Variants in BABAM2 observed in about 807,000 individuals in gnomAD.
BABAM2 encodes BRISC and BRCA1-A complex member 2.
A neutral mutation model predicts 54.7 loss-of-function variants in BABAM2; 31 were observed. The observed-to-expected ratio is 0.57, with a 90% CI of 0.43 to 0.77. The LOEUF (loss-of-function observed/expected upper bound fraction) is 0.77, where lower values mean the gene tolerates loss of function less well. BABAM2 is among the 30% of genes least tolerant of loss of function. The pLI, the probability that BABAM2 is intolerant of heterozygous loss-of-function variation, is 0.00. For missense variants in BABAM2, 364 were observed against 455.8 expected (o/e 0.80, Z 1.83); for synonymous variants, 167 against 162.9 (o/e 1.03, Z -0.19).
chr2:28,106,403 G>T (rs1217916789), intron 6 of BABAM2, among the ~76,000 whole-genome samples: 1 of 152,168 alleles, frequency 6.6e-6, no homozygotes, highest in East Asian at 1.9e-4. Context: ...ACCATGCCTG[G>T]TTCAGAATTC....
intron 7 of BABAM2, among the ~76,000 whole-genome samples, chr2:28,158,680 T>C (rs1672778412): frequency 6.6e-6 from 1 of 152,274 alleles, no homozygotes. Flanking sequence ...AGCATTATAA[T>C]AAGGCTATGT....
chr2:28,056,277 C>G (rs894435835), intron 6 of BABAM2, among the ~76,000 whole-genome samples: 6 of 152,106 alleles, frequency 3.9e-5, no homozygotes, highest in Non-Finnish European at 8.8e-5. Context: ...GCCATAAAAA[C>G]AACCACCAAA....
chr2:28,242,066 C>T (rs978544615), intron 9 of BABAM2, among the ~76,000 whole-genome samples: 4 of 152,006 alleles, frequency 2.6e-5, no homozygotes, highest in Admixed American at 2.0e-4. Context: ...CAGGCATCAC[C>T]GGCACATTTT....
intron 4 of BABAM2, among the ~76,000 whole-genome samples, chr2:28,014,460 G>T (rs1411477283): frequency 6.6e-6 from 1 of 152,154 alleles, no homozygotes; most frequent in Non-Finnish European, 1.5e-5. Flanking sequence ...GACAGACACA[G>T]TTCCTAAGTA....
At chr2:28,281,515 A>T (rs930281839) in intron 10 of BABAM2, among the ~76,000 whole-genome samples, 1 of 152,196 alleles carries the variant, frequency 6.6e-6, no homozygotes, top group African/African-American at 2.4e-5. Context: ...TCAGAATGGG[A>T]GCCTTTCCAG....
chr2:27,915,035 T>C (rs1373728887), intron 2 of BABAM2, among the ~76,000 whole-genome samples: 1 of 152,098 alleles, frequency 6.6e-6, no homozygotes, highest in Non-Finnish European at 1.5e-5. Flanking sequence ...AAATTTCTGC[T>C]GTGTAACATG....
rs1368144528 is a variant in BABAM2 at position 27,995,899 on chromosome 2, T to C, written c.300+7812T>C. 7.9e-5 allele frequency among the ~76,000 whole-genome samples: 12 copies of C among 152,146 alleles called. No individual in the cohort carries two copies. Among genetic ancestry groups the C allele is most frequent in the Non-Finnish European group, 1.3e-4 (9 of 68,008 alleles). On this transcript the variant is annotated intron_variant, in intron 4 of 11. Transcript: ENST00000379624. The surrounding 1 kb of genome is among the most constrained non-coding windows in gnomAD (Gnocchi z 4.1). ...CTGGCCCCTCATGAGTTCTTAATTT[T>C]AGAGAATATGTTCTTCAGTTTTACA...
intron 4 of BABAM2, among the ~76,000 whole-genome samples, chr2:27,993,880 G>C (rs1672947493): frequency 6.6e-6 from 1 of 152,090 alleles, no homozygotes; most frequent in Admixed American, 6.5e-5. Context: ...TCTTCTGAAT[G>C]TGTCCTTGCA....
In BABAM2 at chr2:28,097,083, A is replaced by G. The variant is rs1213613330; in HGVS notation, c.571-32188A>G. Among the ~76,000 whole-genome samples the G allele has an allele frequency of 2.6e-5, 4 of 152,178 alleles. No individual in the cohort carries two copies. The East Asian group carries it at 5.8e-4, about 22-fold the overall frequency. ...ACCTAGGAAGGTGACAGTACTGGAT[A>G]ATGGCAAGGGGTTCAAGCTGGCAGA... On this transcript the variant is annotated intron_variant, in intron 6 of 11. Transcript: ENST00000379624.
chr2:28,247,180 C>T lies in BABAM2; in HGVS notation c.934+2318C>T, dbSNP rs147950537. Among the ~76,000 whole-genome samples, 54 of 152,262 alleles carry T rather than the reference C, an allele frequency of 3.5e-4. 1 individual carries two copies. The highest frequency in any genetic ancestry group is 1.2e-3 in the African/African-American group (49 of 41,538). On this transcript the variant is annotated intron_variant, in intron 10 of 11. Coordinates refer to ENST00000379624, the MANE Select transcript of BABAM2 (RefSeq NM_199191.3). ...TTCCTGGAGCTCTTATTCCTGTACT[C>T]CCCCGGCTGTTTGGTCCCTGTCTCT...
chr2:28,131,822 G>T (rs1173924509), intron 7 of BABAM2, among the ~76,000 whole-genome samples: 1 of 152,140 alleles, frequency 6.6e-6, no homozygotes, highest in East Asian at 1.9e-4. Flanking sequence ...TGTAACTAAT[G>T]AGTTAAATTA....
intron 3 of BABAM2, among the ~76,000 whole-genome samples, chr2:27,960,925 A>G (rs1670421485): frequency 6.6e-6 from 1 of 152,222 alleles, no homozygotes; most frequent in Non-Finnish European, 1.5e-5. Context: ...AGGATAAGCA[A>G]TGGCTTTGCT....
At chr2:27,892,308 A>G (rs1664924295) in intron 1 of BABAM2, 1 of 152,250 alleles carries the variant, frequency 6.6e-6, no homozygotes, top group African/African-American at 2.4e-5. Flanking sequence ...TTACAGATAG[A>G]GATGAGTAAT....
chr2:28,112,980 G>T (rs1338218250), intron 6 of BABAM2, among the ~76,000 whole-genome samples: 2 of 151,938 alleles, frequency 1.3e-5, no homozygotes, highest in South Asian at 2.1e-4. Flanking sequence ...TTTCATGTTT[G>T]TTGGCCACAT....
intron 4 of BABAM2, among the ~76,000 whole-genome samples, chr2:28,012,171 C>A (rs1674447990): frequency 6.6e-6 from 1 of 152,190 alleles, no homozygotes; most frequent in African/African-American, 2.4e-5. Context: ...CAGTAACAAG[C>A]TGTCTCCTTC....
chr2:28,270,584 C>A (rs1685340775), intron 10 of BABAM2, among the ~76,000 whole-genome samples: 1 of 152,194 alleles, frequency 6.6e-6, no homozygotes, highest in Non-Finnish European at 1.5e-5. Context: ...TTGACTGTAC[C>A]TGAACCACAT....
At chr2:27,908,880 C>T (rs183303583) in intron 2 of BABAM2, among the ~76,000 whole-genome samples, 5 of 152,212 alleles carry the variant, frequency 3.3e-5, no homozygotes, top group African/African-American at 4.8e-5. Context: ...TTTAATTTCT[C>T]CACATCCTCC....
At chr2:27,905,913 T>C (rs1262397131) in intron 2 of BABAM2, among the ~76,000 whole-genome samples, 1 of 152,190 alleles carries the variant, frequency 6.6e-6, no homozygotes, top group South Asian at 2.1e-4. Context: ...AATATTTGAT[T>C]AGGTTGAAAA....
At position 28,117,458 on chromosome 2, in the gene BABAM2, G is replaced by A. The variant is rs142543370; in HGVS notation, c.571-11813G>A. Among the ~76,000 whole-genome samples, 505 of 152,300 alleles carry A rather than the reference G, an allele frequency of 3.3e-3. 5 individuals carry two copies. The highest frequency in any genetic ancestry group is 0.012 in the African/African-American group (488 of 41,548). Reference sequence around the variant, plus strand: ...TAGTGCAATTTATTAGCTTTCCAAAGCTAGGAGCAGATTGAATAGTCAAAC... The same window carrying A: ...TAGTGCAATTTATTAGCTTTCCAAAACTAGGAGCAGATTGAATAGTCAAAC... On this transcript the variant is annotated intron_variant, in intron 6 of 11. Transcript: ENST00000379624.
Sources: gnomAD v4.1 joint callset for allele counts (sites outside exome capture counted in the v4.1 genomes callset) on GRCh38, gnomAD v4.1.1 for gene constraint, Gnocchi (gnomAD v3.1) non-coding constraint, MANE v1.5 for transcripts, NCBI Gene and HGNC (gene_info 2026-07-23, HGNC 2026-07-21) for gene names.